The following IGSF11 variants were observed in gnomAD, a reference collection of about 807,000 sequenced individuals.
The protein encoded by IGSF11 is CXADR like 1.
Under a neutral mutation model 41.0 loss-of-function variants are expected in IGSF11, and 22 were observed. The ratio of observed to expected loss-of-function variants is 0.54; its 90% CI spans 0.38 to 0.77. IGSF11 has a LOEUF of 0.77. Ranked by LOEUF, IGSF11 falls within the 30% of genes least tolerant of loss-of-function variation. The pLI, the probability that IGSF11 is intolerant of heterozygous loss-of-function variation, is 0.00. For synonymous variants in IGSF11, 219 were observed against 201.3 expected, an observed-to-expected ratio of 1.09 and a Z score of -0.74; for missense variants, 444 against 530.8, an observed-to-expected ratio of 0.84 and a Z score of 1.61.
At chr3:119,078,942 A>G (rs1195413278) in intron 1 of IGSF11, among the ~76,000 whole-genome samples, 1 of 152,232 alleles carries the variant, frequency 6.6e-6, no homozygotes, top group Non-Finnish European at 1.5e-5. Flanking sequence ...TCTCAAAAGA[A>G]GACATACAAG....
chr3:118,919,090 C>G (rs970692481), intron 4 of IGSF11, among the ~76,000 whole-genome samples: 1 of 140,420 alleles, frequency 7.1e-6, no homozygotes, highest in African/African-American at 3.1e-5. Flanking sequence ...CTTCCTTACA[C>G]CTTATAGAAA....
intron 1 of IGSF11, among the ~76,000 whole-genome samples, chr3:118,958,272 A>G (rs1425781700): frequency 6.7e-6 from 1 of 148,188 alleles, no homozygotes; most frequent in East Asian, 1.9e-4. Context: ...TCCATAAAAG[A>G]AGAAAGAAAT....
intron 1 of IGSF11, among the ~76,000 whole-genome samples, chr3:119,011,136 G>A (rs910641180): frequency 2.0e-5 from 3 of 152,110 alleles, no homozygotes; most frequent in South Asian, 2.1e-4. Context: ...GACCAAAACC[G>A]GCCATGTTTG....
At chr3:119,045,389 C>G (rs752383226) in intron 1 of IGSF11, among the ~76,000 whole-genome samples, 1 of 152,364 alleles carries the variant, frequency 6.6e-6, no homozygotes, top group Middle Eastern at 3.4e-3. Context: ...TGACGAACGG[C>G]ACCTGGAAAA....
Position 118,902,705 on chromosome 3 carries a change from T to G in IGSF11, c.1111A>C (p.Thr371Pro), listed in dbSNP as rs1356367580. 1 of 1,614,008 alleles carries G rather than the reference T, an allele frequency of 6.2e-7. No homozygotes were observed. Among genetic ancestry groups the G allele is most frequent in the East Asian group, 2.2e-5 (1 of 44,850 alleles). Reference protein sequence around the residue: ...GTHLVPGQHKTLVVTANRGSS... With the variant: ...GTHLVPGQHKPLVVTANRGSS... ...CCTCTGTTGGCTGTCACTACCAGAG[T>G]CTTATGTTGACCCGGGACCAGATGG... The change falls in exon 7 of 7, where the codon ACT (threonine) becomes CCT (proline). Residue 371 changes from threonine to proline, a missense_variant. Thr to Pro is a conservative substitution (Grantham distance 38). Transcript: ENST00000393775.
intron 1 of IGSF11, among the ~76,000 whole-genome samples, chr3:118,951,584 C>T (rs1944570993): frequency 6.6e-6 from 1 of 152,000 alleles, no homozygotes; most frequent in Non-Finnish European, 1.5e-5. Context: ...TAATATCTAT[C>T]CCTTTATTGG....
Position 118,902,258 on chromosome 3 carries a change from A to G in IGSF11, c.*262T>C, listed in dbSNP as rs1938955666. 2 of 421,998 alleles carry G rather than the reference A, an allele frequency of 4.7e-6. No homozygotes were observed. Among genetic ancestry groups the G allele is most frequent in the African/African-American group, 2.0e-5 (1 of 50,872 alleles). 26.1% of individuals were successfully genotyped at this position (421,998 alleles called of 1,614,324 possible). ...ATTTTAAGTACTATTCTGCTCTTGT[A>G]TCTTTTTCCTTGGCTTGGCACATCT... On this transcript the variant is annotated 3_prime_UTR_variant, in exon 7 of 7. Transcript: ENST00000393775.
chr3:118,957,510 C>A (rs182046429), intron 1 of IGSF11, among the ~76,000 whole-genome samples: 1 of 152,210 alleles, frequency 6.6e-6, no homozygotes, highest in Admixed American at 6.5e-5. Context: ...ACAAATGTGT[C>A]GACATAGAGT....
At chr3:119,130,768 C>G (rs1351817147) in intron 1 of IGSF11, among the ~76,000 whole-genome samples, 1 of 152,214 alleles carries the variant, frequency 6.6e-6, no homozygotes, top group Admixed American at 6.5e-5. Flanking sequence ...AACTCAGAGA[C>G]ACCTCCCAGT....
chr3:118,958,157 G>A (rs1336548525), intron 1 of IGSF11, among the ~76,000 whole-genome samples: 2 of 152,104 alleles, frequency 1.3e-5, no homozygotes, highest in Admixed American at 1.3e-4. Flanking sequence ...CCAAATTTCT[G>A]TATAGTATTT....
upstream of IGSF11, among the ~76,000 whole-genome samples, chr3:119,109,963 T>C (rs2077116824): frequency 6.6e-6 from 1 of 152,238 alleles, no homozygotes; most frequent in Admixed American, 6.5e-5. Flanking sequence ...GACACTTTGT[T>C]ATAATTTCTG....
At chr3:119,037,523 A>C (rs1026131427), upstream of IGSF11, among the ~76,000 whole-genome samples, 1 of 152,182 alleles carries the variant, frequency 6.6e-6, no homozygotes, top group African/African-American at 2.4e-5. Flanking sequence ...TCTCTGAGAG[A>C]GTTATAGTTG....
At chr3:118,950,882 C>T (rs1288464812) in intron 1 of IGSF11, among the ~76,000 whole-genome samples, 1 of 152,118 alleles carries the variant, frequency 6.6e-6, no homozygotes, top group Admixed American at 6.5e-5. Context: ...TAAGCTGCTG[C>T]TTGGGAGCAG....
intron 1 of IGSF11, among the ~76,000 whole-genome samples, chr3:118,969,693 C>A (rs1576512748): frequency 6.6e-6 from 1 of 152,300 alleles, no homozygotes; most frequent in East Asian, 1.9e-4. Flanking sequence ...TCCTATGCTG[C>A]TGAATGGTGA....
At chr3:119,032,458 T>A (rs1260876359) in intron 1 of IGSF11, among the ~76,000 whole-genome samples, 1 of 152,214 alleles carries the variant, frequency 6.6e-6, no homozygotes, top group Non-Finnish European at 1.5e-5. Flanking sequence ...TGAACATCAG[T>A]ACTTTTTCCA....
At chr3:119,103,383 C>T (rs1429217067) in intron 1 of IGSF11, among the ~76,000 whole-genome samples, 29 of 146,142 alleles carry the variant, frequency 2.0e-4, no homozygotes, top group African/African-American at 7.0e-4. Context: ...TCCTTTCCTT[C>T]TTTTTTTTTT....
chr3:119,069,555 G>A (rs1444839935), intron 1 of IGSF11, among the ~76,000 whole-genome samples: 1 of 152,118 alleles, frequency 6.6e-6, no homozygotes, highest in Admixed American at 6.5e-5. Context: ...TAAAACCCAT[G>A]ATACCCTCCA....
intron 3 of IGSF11, 79 bp from the exon 4 acceptor site, chr3:118,926,335 T>G (rs532378802): frequency 1.3e-4 from 157 of 1,163,726 alleles, no homozygotes; most frequent in South Asian, 3.6e-4. Context: ...CAACATTCAG[T>G]ACATTGGACC....
Position 119,014,912 on chromosome 3 carries a change from T to C in IGSF11, c.52+19619A>G, listed in dbSNP as rs146207393. On this transcript the variant is annotated intron_variant, in intron 1 of 6. Transcript: ENST00000393775. ...CATTAAACCTTCAGAAGCAAATCAG[T>C]AAATACCTATACACCTTTTTATGTA... Among the ~76,000 whole-genome samples, 18 of 152,356 alleles carry C rather than the reference T, an allele frequency of 1.2e-4. No individual in the cohort carries two copies. The East Asian group carries it at 3.5e-3, about 29-fold the overall frequency.
Sources: gnomAD v4.1 joint callset for allele counts (sites outside exome capture counted in the v4.1 genomes callset) on GRCh38, gnomAD v4.1.1 for gene constraint, MANE v1.5 for transcripts, NCBI Gene and HGNC (gene_info 2026-07-23, HGNC 2026-07-21) for gene names.